PPP2CB: variants seen among roughly 807,000 people sequenced by gnomAD.
PPP2CB encodes serine/threonine-protein phosphatase 2A catalytic subunit beta isoform.
Under a neutral mutation model 39.1 loss-of-function variants are expected in PPP2CB, and 18 were observed. The observed-to-expected ratio is 0.46, with a 90% CI of 0.32 to 0.68. The LOEUF is 0.68. Among genes scored for constraint, PPP2CB ranks in the 30% least tolerant of loss-of-function variants. The pLI, the probability that PPP2CB is intolerant of heterozygous loss-of-function variation, is 0.04. For synonymous variants in PPP2CB, 129 were observed against 133.8 expected (o/e 0.96, Z 0.25); for missense variants, 226 against 396.9 (o/e 0.57, Z 3.66).
chr8:30,805,133 GA>G (rs1263460791), intron 1 of PPP2CB, among the ~76,000 whole-genome samples: 5 of 152,140 alleles, frequency 3.3e-5, no homozygotes. Context: ...CTGCCCACAG[GA>G]ACAAGCGCCT....
chr8:30,792,436 G>C (rs772546405), intron 5 of PPP2CB, among the ~76,000 whole-genome samples: 2 of 150,602 alleles, frequency 1.3e-5, no homozygotes, highest in African/African-American at 2.4e-5. Context: ...AGTTTGTGGT[G>C]TCTTTTTCTT....
chr8:30,799,486 C>A, intron 2 of PPP2CB, 60 bp downstream of exon 2: 3 of 1,373,438 alleles, frequency 2.2e-6, no homozygotes, highest in Non-Finnish European at 3.1e-6. Context: ...GCAATACTGT[C>A]ATTCTTGCCT....
chr8:30,804,372 G>C (rs185109136), intron 1 of PPP2CB, among the ~76,000 whole-genome samples: 1 of 152,182 alleles, frequency 6.6e-6, no homozygotes, highest in African/African-American at 2.4e-5. Flanking sequence ...TTGGTAAAGA[G>C]ATCTCTGCCT....
chr8:30,802,065 A>G (rs988152951), intron 1 of PPP2CB, among the ~76,000 whole-genome samples: 1 of 152,180 alleles, frequency 6.6e-6, no homozygotes, highest in African/African-American at 2.4e-5. Flanking sequence ...TCTTCTACAA[A>G]TGCCTTTTCT....
At chr8:30,800,152 C>T (rs1260631799) in intron 1 of PPP2CB, among the ~76,000 whole-genome samples, 1 of 152,114 alleles carries the variant, frequency 6.6e-6, no homozygotes, top group Non-Finnish European at 1.5e-5. Flanking sequence ...AAGTAGAAAC[C>T]ACCAGATATT....
intron 1 of PPP2CB, among the ~76,000 whole-genome samples, chr8:30,801,854 C>T (rs190435649): frequency 2.0e-5 from 3 of 152,198 alleles, no homozygotes; most frequent in Non-Finnish European, 2.9e-5. Flanking sequence ...CAACTAGATG[C>T]GCCCAGCCCA....
chr8:30,788,766 A>G (rs1453002755), intron 6 of PPP2CB, among the ~76,000 whole-genome samples: 1 of 152,174 alleles, frequency 6.6e-6, no homozygotes, highest in African/African-American at 2.4e-5. Context: ...TCCTGCCTTC[A>G]TCTCCTGCCT....
intron 1 of PPP2CB, among the ~76,000 whole-genome samples, chr8:30,806,333 C>T (rs941405040): frequency 1.6e-4 from 25 of 151,802 alleles, no homozygotes; most frequent in Non-Finnish European, 7.4e-5. Context: ...GGATTACAGG[C>T]GCGAACCACC....
At position 30,812,701 on chromosome 8, in the gene PPP2CB, G is replaced by A. The variant is rs1469104431; in HGVS notation, c.-280C>T. ...GAGTCGGTGAAGGACGCGGTGAGGTGCCGGGGAGCGCGGCGCGGGTCCTCG... is the reference window on the plus strand; with the variant it reads ...GAGTCGGTGAAGGACGCGGTGAGGTACCGGGGAGCGCGGCGCGGGTCCTCG... On this transcript the variant is annotated 5_prime_UTR_variant, in exon 1 of 7. Coordinates refer to ENST00000221138, the MANE Select transcript of PPP2CB (RefSeq NM_001009552.2). 2 of 437,924 alleles carry A rather than the reference G, an allele frequency of 4.6e-6. No individual in the cohort carries two copies. Among genetic ancestry groups the A allele is most frequent in the African/African-American group, 2.1e-5 (1 of 47,246 alleles). 27.1% of individuals were successfully genotyped at this position (437,924 alleles called of 1,614,324 possible).
In PPP2CB at chr8:30,811,505, A is replaced by ATTT. The variant is rs569063598; in HGVS notation, c.102+812_102+814dup. Among the ~76,000 whole-genome samples the ATTT allele has an allele frequency of 3.5e-4, 45 of 127,600 alleles. 1 individual carries two copies. Among genetic ancestry groups the ATTT allele is most frequent in the Middle Eastern group, 4.0e-3 (1 of 250 alleles). 83.7% of individuals were successfully genotyped at this position (127,600 alleles called of 152,430 possible). ...CGCTTGGCACATTCAAGAATCAGCG[A>ATTT]TTTTTTTTTTTTTTTTTTTGCTGTC... On this transcript the variant is annotated intron_variant, in intron 1 of 6. Transcript: ENST00000221138.
chr8:30,788,437 A>AT (rs1486748552), intron 6 of PPP2CB, among the ~76,000 whole-genome samples: 6 of 151,652 alleles, frequency 4.0e-5, no homozygotes, highest in African/African-American at 9.7e-5. Context: ...TAATTTTTAA[A>AT]TTTTTTTGTA....
chr8:30,791,351 ATAT>A, intron 5 of PPP2CB, 36 bp from the exon 6 acceptor site: 1 of 1,432,024 alleles, frequency 7.0e-7, no homozygotes. Context: ...TTTCATTATA[ATAT>A]TATGATTTTG....
Position 30,812,423 on chromosome 8 carries a change from G to T in PPP2CB, c.-2C>A. 1 of 1,528,156 alleles carries T rather than the reference G, an allele frequency of 6.5e-7. No homozygotes were observed. The highest frequency in any genetic ancestry group is 1.2e-5 in the South Asian group (1 of 83,512). 94.7% of individuals were successfully genotyped at this position (1,528,156 alleles called of 1,614,324 possible). On this transcript the variant is annotated 5_prime_UTR_variant, in exon 1 of 7. Transcript: ENST00000221138. ...CTTGGTGAACGCCTTGTCGTCCATG[G>T]CGGCCCGATCCCGATGCGGATCCCG...
chr8:30,806,192 C>A (rs552120870), intron 1 of PPP2CB, among the ~76,000 whole-genome samples: 2 of 151,700 alleles, frequency 1.3e-5, no homozygotes, highest in East Asian at 3.9e-4. Context: ...GGCCTACAGG[C>A]GCCTGCCACC....
At chr8:30,788,978 T>A (rs1156770495) in intron 6 of PPP2CB, among the ~76,000 whole-genome samples, 1 of 152,224 alleles carries the variant, frequency 6.6e-6, no homozygotes, top group Non-Finnish European at 1.5e-5. Context: ...TTTAGTGACT[T>A]AGCTGAACTA....
At chr8:30,793,253 C>A (rs757514318) in intron 5 of PPP2CB, 1 of 152,152 alleles carries the variant, frequency 6.6e-6, no homozygotes, top group African/African-American at 2.4e-5. Context: ...AGATAAAATG[C>A]TCCTACTCTT....
intron 5 of PPP2CB, among the ~76,000 whole-genome samples, chr8:30,792,249 C>T (rs1220087550): frequency 6.6e-6 from 1 of 152,122 alleles, no homozygotes; most frequent in Non-Finnish European, 1.5e-5. Context: ...GAGACAGGAT[C>T]TCACCATGTT....
chr8:30,791,755 T>C (rs562458662), intron 5 of PPP2CB, among the ~76,000 whole-genome samples: 2 of 152,070 alleles, frequency 1.3e-5, no homozygotes, highest in Admixed American at 1.3e-4. Flanking sequence ...ATACCTTTTA[T>C]TAGAGCCTAT....
intron 5 of PPP2CB, chr8:30,791,645 T>G (rs937961548): frequency 5.9e-6 from 1 of 170,510 alleles, no homozygotes. Flanking sequence ...AATTTTTTCT[T>G]TATATATTTT....
Sources: allele counts gnomAD v4.1 joint callset (sites outside exome capture counted in the v4.1 genomes callset), GRCh38; gene constraint gnomAD v4.1.1; transcripts MANE v1.5; gene names NCBI Gene and HGNC (gene_info 2026-07-23, HGNC 2026-07-21).